TEAD1: variants seen among roughly 807,000 people sequenced by gnomAD.
TEAD1 encodes transcriptional enhancer factor TEF-1.
A neutral mutation model predicts 54.9 loss-of-function variants in TEAD1; 9 were observed. The observed-to-expected ratio is 0.16, with a 90% CI of 0.10 to 0.29. TEAD1 has a LOEUF of 0.29. TEAD1 is among the 10% of genes least tolerant of loss of function. TEAD1 has a pLI of 1.00. For missense variants in TEAD1, 387 were observed against 535.9 expected (o/e 0.72, Z 2.74); for synonymous variants, 200 against 187.8 (o/e 1.07, Z -0.53).
intron 3 of TEAD1, among the ~76,000 whole-genome samples, chr11:12,773,966 C>T (rs879563547): frequency 2.6e-5 from 4 of 152,058 alleles, no homozygotes; most frequent in African/African-American, 4.8e-5. Flanking sequence ...GTGAGGGAAC[C>T]CATTGTCATG....
chr11:12,754,288 T>C (rs1288995756), intron 2 of TEAD1, among the ~76,000 whole-genome samples: 1 of 152,230 alleles, frequency 6.6e-6, no homozygotes. Context: ...TATTTGACAC[T>C]GTCCTAGGTT....
At chr11:12,930,408 C>G (rs1948991883) in intron 12 of TEAD1, 82 bp downstream of exon 12, 2 of 1,565,612 alleles carry the variant, frequency 1.3e-6, no homozygotes, top group African/African-American at 2.7e-5. Context: ...CTGGGAGGCG[C>G]TGGGCCTGCG....
intron 2 of TEAD1, among the ~76,000 whole-genome samples, chr11:12,700,484 C>G (rs1943676244): frequency 6.6e-6 from 1 of 152,202 alleles, no homozygotes; most frequent in Non-Finnish European, 1.5e-5. Flanking sequence ...ACATACAGTA[C>G]ATTCTAAAAT....
intron 2 of TEAD1, 22 bp from the exon 3 acceptor site, chr11:12,764,157 T>A: frequency 6.7e-7 from 1 of 1,489,858 alleles, no homozygotes; most frequent in Non-Finnish European, 9.1e-7. Context: ...ATCCTTATAC[T>A]GTTTTTGGTT....
chr11:12,748,209 G>A (rs915642258), intron 2 of TEAD1, among the ~76,000 whole-genome samples: 9 of 152,276 alleles, frequency 5.9e-5, no homozygotes, highest in East Asian at 1.9e-4. Flanking sequence ...TGATGCACCC[G>A]CCTCTGCCTC....
chr11:12,880,760 T>C, intron 6 of TEAD1, among the ~76,000 whole-genome samples: 1 of 152,230 alleles, frequency 6.6e-6, no homozygotes, highest in East Asian at 1.9e-4. Flanking sequence ...AAACAGGAGC[T>C]GCTGCCTGCG....
intron 5 of TEAD1, chr11:12,878,889 G>C: frequency 7.8e-7 from 1 of 1,285,446 alleles, no homozygotes; most frequent in Non-Finnish European, 1.0e-6. Context: ...TTGTATCCAG[G>C]TAACAAGCAT....
chr11:12,864,739 C>A, intron 4 of TEAD1, 99 bp from the exon 5 acceptor site: 1 of 1,608,792 alleles, frequency 6.2e-7, no homozygotes, highest in Non-Finnish European at 8.5e-7. Flanking sequence ...AAATTCAAGC[C>A]GCCATTAAGG....
chr11:12,908,180 G>A (rs2134137175), intron 10 of TEAD1, among the ~76,000 whole-genome samples: 1 of 152,196 alleles, frequency 6.6e-6, no homozygotes, highest in Admixed American at 6.5e-5. Context: ...CTTTTCATAT[G>A]CAAACCAACC....
intron 3 of TEAD1, among the ~76,000 whole-genome samples, chr11:12,777,708 T>C (rs1211529527): frequency 6.6e-6 from 1 of 152,240 alleles, no homozygotes. Context: ...TGCCCTTGTA[T>C]TTTCTGTCTC....
At chr11:12,896,073 A>G (rs11022537) in intron 9 of TEAD1, among the ~76,000 whole-genome samples, 25,637 of 151,714 alleles carry the variant, frequency 0.17, 2,527 homozygotes, top group Non-Finnish European at 0.23. Flanking sequence ...ACAAACCCAT[A>G]TAAATTTTGC....
intron 3 of TEAD1, among the ~76,000 whole-genome samples, chr11:12,831,379 T>A (rs1590193472): frequency 1.3e-5 from 2 of 152,192 alleles, no homozygotes; most frequent in African/African-American, 4.8e-5. Flanking sequence ...CTGCCTTGTT[T>A]GCCATTAATT....
intron 2 of TEAD1, among the ~76,000 whole-genome samples, chr11:12,757,833 G>A (rs888139601): frequency 2.0e-5 from 3 of 152,176 alleles, no homozygotes; most frequent in Non-Finnish European, 4.4e-5. Flanking sequence ...AGACTGGAGT[G>A]CAGTGGCCTG....
rs1307203520 is a variant in TEAD1, at chr11:12,942,265, A to G, written c.*5043A>G. 2 of 152,644 alleles carry G rather than the reference A, an allele frequency of 1.3e-5. No individual in the cohort carries two copies. Among genetic ancestry groups the G allele is most frequent in the African/African-American group, 2.4e-5 (1 of 41,456 alleles). The allele number at this position is 152,644 out of a possible 1,614,324, so 9.5% of individuals were successfully genotyped here. ...TCCAGCTTAGAAAAGTGCTGCCATA[A>G]TAACGATAATTTGTAGAGAGACCAA... is the stretch of plus-strand genomic sequence containing the variant. On this transcript the variant is annotated 3_prime_UTR_variant, in exon 13 of 13. Transcript: ENST00000527636.
chr11:12,684,687 A>G (rs1943296825), intron 2 of TEAD1, among the ~76,000 whole-genome samples: 1 of 152,128 alleles, frequency 6.6e-6, no homozygotes, highest in South Asian at 2.1e-4. Flanking sequence ...AGATTAGGTA[A>G]GTGCTGGCTC....
chr11:12,768,867 T>C (rs751265950), intron 3 of TEAD1, among the ~76,000 whole-genome samples: 4 of 152,190 alleles, frequency 2.6e-5, no homozygotes, highest in Admixed American at 6.5e-5. Context: ...TTGAAGATGG[T>C]CACCTTCCAC....
intron 2 of TEAD1, among the ~76,000 whole-genome samples, chr11:12,739,691 A>G (rs1158920734): frequency 6.6e-6 from 1 of 152,230 alleles, no homozygotes; most frequent in Non-Finnish European, 1.5e-5. Context: ...TCACTGATCA[A>G]CACATTAACG....
intron 12 of TEAD1, among the ~76,000 whole-genome samples, chr11:12,931,866 C>T (rs1333651206): frequency 6.6e-6 from 1 of 152,158 alleles, no homozygotes; most frequent in Non-Finnish European, 1.5e-5. Context: ...GCCTAGGCCC[C>T]ACCCTGGATG....
intron 2 of TEAD1, among the ~76,000 whole-genome samples, chr11:12,714,215 C>T (rs1024352674): frequency 6.6e-6 from 1 of 152,088 alleles, no homozygotes; most frequent in Non-Finnish European, 1.5e-5. Flanking sequence ...CAGGGCTGCT[C>T]TTTGGCTAAG....
Sources: gnomAD v4.1 joint callset for allele counts (sites outside exome capture counted in the v4.1 genomes callset) on GRCh38, gnomAD v4.1.1 for gene constraint, MANE v1.5 for transcripts, NCBI Gene and HGNC (gene_info 2026-07-23, HGNC 2026-07-21) for gene names.